The following SPTBN4 variants were observed in gnomAD, a reference collection of about 807,000 sequenced individuals.
SPTBN4 encodes the protein spectrin beta chain, non-erythrocytic 4.
In SPTBN4, 96 loss-of-function variants were observed where a neutral mutation model predicts 277.8. The observed-to-expected ratio is 0.35, with a 90% confidence interval of 0.29 to 0.41. The LOEUF (loss-of-function observed/expected upper bound fraction) is 0.41. Among genes scored for constraint, SPTBN4 ranks in the 10% least tolerant of loss-of-function variants. The probability of loss-of-function intolerance (pLI) is 1.00; values close to 1 mark genes in which losing one functional copy is unlikely to be tolerated. For missense variants in SPTBN4, 3,006 were observed against 3,595.7 expected, an observed-to-expected ratio of 0.84 and a Z score of 4.19; for synonymous variants, 1,481 against 1,580.3, an observed-to-expected ratio of 0.94 and a Z score of 1.49.
chr19:40,492,045 A>AC (rs918122531), intron 4 of SPTBN4, among the ~76,000 whole-genome samples: 43 of 151,864 alleles, frequency 2.8e-4, no homozygotes, highest in African/African-American at 8.0e-4. Context: ...ACAAAACAAA[A>AC]AAAAAAACAA....
intron 16 of SPTBN4, among the ~76,000 whole-genome samples, chr19:40,522,888 T>C (rs1181548097): frequency 1.3e-5 from 2 of 151,726 alleles, no homozygotes; most frequent in African/African-American, 4.8e-5. Context: ...TCCCAGCACT[T>C]CGGGAGTCCA....
chr19:40,504,140 C>CGGGGGGGGGG lies in SPTBN4; in HGVS notation c.1665+15_1665+16insGGGGGGGGGG. The CGGGGGGGGGG allele has an allele frequency of 8.7e-7, 1 of 1,146,764 alleles. No homozygotes were observed. Among genetic ancestry groups the CGGGGGGGGGG allele is most frequent in the South Asian group, 2.0e-5 (1 of 50,880 alleles). The allele number at this position is 1,146,764 out of a possible 1,614,324, so 71.0% of individuals were successfully genotyped here. On this transcript the variant is annotated intron_variant, in intron 12 of 35. Coordinates refer to ENST00000598249, the MANE Select transcript of SPTBN4 (RefSeq NM_020971.3). ...TGGATGGAGGAGATGCAGGTGCCGGCGGGGGGGCGGGGATGCGGGTGGAGT... is the reference window on the plus strand; with the variant it reads ...TGGATGGAGGAGATGCAGGTGCCGGCGGGGGGGGGGGGGGGGGCGGGGATGCGGGTGGAGT...
chr19:40,546,903 C>T (rs750030854), intron 20 of SPTBN4, among the ~76,000 whole-genome samples: 20 of 152,240 alleles, frequency 1.3e-4, no homozygotes, highest in African/African-American at 2.6e-4. Context: ...ACTGTGAAGA[C>T]GAAGCAGGAT....
Position 40,556,300 on chromosome 19 carries a change from T to A in SPTBN4, c.5289+12T>A, listed in dbSNP as rs771927126. The A allele has an allele frequency of 2.5e-6, 4 of 1,606,016 alleles. No homozygotes were observed. The South Asian group carries it at 4.4e-5, about 18-fold the overall frequency. On this transcript the variant is annotated intron_variant, in intron 25 of 35. Coordinates refer to ENST00000598249, the MANE Select transcript of SPTBN4 (RefSeq NM_020971.3). ...TTGAGCATGTCTCGGTGAGCATCATTAGTAATAAGTGATACCAGGAGCTAC... is the reference window on the plus strand; with the variant it reads ...TTGAGCATGTCTCGGTGAGCATCATAAGTAATAAGTGATACCAGGAGCTAC...
intron 2 of SPTBN4, among the ~76,000 whole-genome samples, chr19:40,484,332 T>A (rs1440028708): frequency 6.6e-6 from 1 of 152,224 alleles, no homozygotes; most frequent in Non-Finnish European, 1.5e-5. Context: ...CCTGAATTAA[T>A]GGAAAACTTA....
At chr19:40,476,116 G>A (rs971716439) in intron 2 of SPTBN4, among the ~76,000 whole-genome samples, 8 of 151,964 alleles carry the variant, frequency 5.3e-5, no homozygotes, top group African/African-American at 1.9e-4. Context: ...AGGCCAAGGT[G>A]GGGGGATCAC....
chr19:40,549,325 G>A lies in SPTBN4; in HGVS notation c.4496G>A (p.Arg1499His), dbSNP rs1314663329. 6.5e-7 allele frequency: 1 copy of A among 1,537,808 alleles called. No homozygotes were observed. Among genetic ancestry groups the A allele is most frequent in the Non-Finnish European group, 8.7e-7 (1 of 1,145,518 alleles). Residue 1499 changes from arginine to histidine, a missense_variant, in exon 21 of 36, where the codon CGC becomes CAC. This residue lies in a region of SPTBN4 where 1,759 missense variants were observed against 2,061.5 expected (regional missense o/e 0.85). Transcript: ENST00000598249. ...RQNAVGERLV[R>H]LLEPLQERRR... is the part of the protein sequence containing the mutation. Reference sequence around the variant, plus strand: ...AACGCGGTGGGCGAGCGCCTGGTGCGCCTGCTCGAGCCGTTGCAGGAGCGC... The same window carrying A: ...AACGCGGTGGGCGAGCGCCTGGTGCACCTGCTCGAGCCGTTGCAGGAGCGC...
chr19:40,557,311 C>T lies in SPTBN4; in HGVS notation c.5578C>T (p.Leu1860=), dbSNP rs2080992609. 6.2e-7 allele frequency: 1 copy of T among 1,613,422 alleles called. No individual in the cohort carries two copies. Among genetic ancestry groups the T allele is most frequent in the Non-Finnish European group, 8.5e-7 (1 of 1,179,834 alleles). ...GGAGAAGCGGAGGCGGCTGCCCCGC[C>T]TGACCACCCCGCCTGAGCCGAGACC... The part of the protein sequence containing the change: ...IEEKRRRLPR[L]TTPPEPRPSA... Residue 1860 remains leucine, a synonymous_variant, in exon 26 of 36, where the codon CTG becomes TTG. Transcript: ENST00000598249.
At chr19:40,487,129 T>C (rs1342627881) in intron 2 of SPTBN4, among the ~76,000 whole-genome samples, 4 of 150,270 alleles carry the variant, frequency 2.7e-5, no homozygotes, top group Non-Finnish European at 5.9e-5. Flanking sequence ...CTCCGCTCCC[T>C]GGTTCAAGCA....
chr19:40,496,348 C>T (rs548867958), intron 6 of SPTBN4, among the ~76,000 whole-genome samples: 2 of 152,282 alleles, frequency 1.3e-5, no homozygotes, highest in African/African-American at 4.8e-5. Flanking sequence ...TGAGGTTTCA[C>T]CATGTTGGCC....
Position 40,558,468 on chromosome 19 carries a change from T to C in SPTBN4, c.5670+1065T>C, listed in dbSNP as rs376206016. Reference sequence around the variant, plus strand: ...AAAAAGGCAACAGAGATATTAGAAATTAGGCAGAGGTTCTGGCCAGAATTC... The same window carrying C: ...AAAAAGGCAACAGAGATATTAGAAACTAGGCAGAGGTTCTGGCCAGAATTC... On this transcript the variant is annotated intron_variant, in intron 26 of 35. Transcript: ENST00000598249. 1.3e-4 allele frequency among the ~76,000 whole-genome samples: 20 copies of C among 152,224 alleles called. No individual in the cohort carries two copies. The South Asian group carries it at 4.1e-3, about 32-fold the overall frequency.
intron 2 of SPTBN4, among the ~76,000 whole-genome samples, chr19:40,479,108 T>G (rs1202455977): frequency 6.6e-6 from 1 of 152,058 alleles, no homozygotes; most frequent in Non-Finnish European, 1.5e-5. Context: ...TTCTCCCGCT[T>G]TTATTTTGAG....
chr19:40,538,178 C>A (rs1245277721), intron 20 of SPTBN4, among the ~76,000 whole-genome samples: 1 of 134,458 alleles, frequency 7.4e-6, no homozygotes, highest in East Asian at 1.9e-4. Context: ...CACTTGAGAT[C>A]AGGAATTCAA....
At chr19:40,512,515 A>G in intron 13 of SPTBN4, 91 bp from the exon 14 acceptor site, 1 of 1,401,398 alleles carries the variant, frequency 7.1e-7, no homozygotes, top group South Asian at 1.5e-5. Context: ...ATGAAGTCAC[A>G]CCAAGGACAG....
Position 40,554,896 on chromosome 19 carries a change from G to C in SPTBN4, c.5084+250G>C, listed in dbSNP as rs188058144. ...GGGGACCTTGTCGGGGGAGAAAAGA[G>C]TAGGCGATGTCTAGGACTGGGGTAG... On this transcript the variant is annotated intron_variant, in intron 24 of 35. Transcript: ENST00000598249. This position sits in a 1 kb window ranked among gnomAD's most constrained non-coding sequence, Gnocchi z 5.7. 2.6e-4 allele frequency: 129 copies of C among 493,610 alleles called. 1 individual carries two copies. In the Middle Eastern group the frequency reaches 5.5e-3, roughly 21 times the overall value. The allele number at this position is 493,610 out of a possible 1,614,324, so 30.6% of individuals were successfully genotyped here.
rs1158967869 is a variant in SPTBN4 at position 40,515,847 on chromosome 19, A to C, written c.2903+399A>C. Among the ~76,000 whole-genome samples, 1 of 149,180 alleles carries C rather than the reference A, an allele frequency of 6.7e-6. No homozygotes were observed. On this transcript the variant is annotated intron_variant, in intron 15 of 35. Transcript: ENST00000598249. The surrounding 1 kb of genome is among the most constrained non-coding windows in gnomAD (Gnocchi z 4.1). Reference sequence around the variant, plus strand: ...AGACCAGCCTGGGCAACATGGTGAAACCCCGTCTCTCTCTCTACGTGCGCG... The same window carrying C: ...AGACCAGCCTGGGCAACATGGTGAACCCCCGTCTCTCTCTCTACGTGCGCG...
At chr19:40,564,681 T>C (rs1298425359) in intron 27 of SPTBN4, among the ~76,000 whole-genome samples, 1 of 150,702 alleles carries the variant, frequency 6.6e-6, no homozygotes, top group Non-Finnish European at 1.5e-5. Context: ...CTACAGAAAA[T>C]GAAAAATTAG....
At chr19:40,512,499 C>A in intron 13 of SPTBN4, 107 bp from the exon 14 acceptor site, 1 of 1,344,568 alleles carries the variant, frequency 7.4e-7, no homozygotes, top group Non-Finnish European at 9.7e-7. Context: ...CGTGACCCGG[C>A]ATCTGATGAA....
chr19:40,575,682 G>A lies in SPTBN4; in HGVS notation c.*113G>A, dbSNP rs1222871625. ...AGCCCCTAGTTCCAACACTGAGGAC[G>A]CGTGACATGGTGGGCACCGGAAAGG... is the stretch of plus-strand genomic sequence containing the variant. On this transcript the variant is annotated 3_prime_UTR_variant, in exon 36 of 36. Transcript: ENST00000598249. 4 of 1,321,482 alleles carry A rather than the reference G, an allele frequency of 3.0e-6. No homozygotes were observed. Among genetic ancestry groups the A allele is most frequent in the Non-Finnish European group, 2.0e-6 (2 of 995,004 alleles). The allele number at this position is 1,321,482 out of a possible 1,614,324, so 81.9% of individuals were successfully genotyped here.
Sources: gnomAD v4.1 joint callset for allele counts (sites outside exome capture counted in the v4.1 genomes callset) on GRCh38, gnomAD v4.1.1 for gene constraint, gnomAD v4.1.1 regional missense constraint, Gnocchi (gnomAD v3.1) non-coding constraint, MANE v1.5 for transcripts, NCBI Gene and HGNC (gene_info 2026-07-23, HGNC 2026-07-21) for gene names.